The following CROCC variants were observed in gnomAD, a reference collection of about 807,000 sequenced individuals.
CROCC encodes the protein ciliary rootlet coiled-coil, rootletin.
Under a neutral mutation model 245.2 loss-of-function variants are expected in CROCC, and 180 were observed. The ratio of observed to expected loss-of-function variants is 0.73; its 90% confidence interval spans 0.65 to 0.83. The LOEUF is 0.83. Ranked by LOEUF, CROCC falls within the 40% of genes least tolerant of loss-of-function variation. The pLI, the probability that CROCC is intolerant of heterozygous loss-of-function variation, is 0.00. For missense variants in CROCC, 2,688 were observed against 2,779.4 expected (o/e 0.97, Z 0.74); for synonymous variants, 1,205 against 1,241.6 (o/e 0.97, Z 0.62).
intron 27 of CROCC, among the ~76,000 whole-genome samples, chr1:16,962,808 G>A (rs865846245): frequency 1.4e-4 from 21 of 151,186 alleles, no homozygotes; most frequent in African/African-American, 4.1e-4. Flanking sequence ...ACCTCCAGTC[G>A]GGATGATCTG....
rs373899791 is a variant in CROCC at position 16,966,158 on chromosome 1, G to A, written c.4696+39G>A. 9 of 1,580,678 alleles carry A rather than the reference G, an allele frequency of 5.7e-6. No individual in the cohort carries two copies. In the African/African-American group the frequency reaches 1.1e-4, roughly 19 times the overall value. On this transcript the variant is annotated intron_variant, in intron 29 of 36. Transcript: ENST00000375541. This position sits in a 1 kb window ranked among gnomAD's most constrained non-coding sequence, Gnocchi z 4.8. Reference sequence around the variant, plus strand: ...TCGGGGTCCCTGTTCTCTCTCCTGTGTTTTGGGCAGTTGAGGCAGGAGCCG... The same window carrying A: ...TCGGGGTCCCTGTTCTCTCTCCTGTATTTTGGGCAGTTGAGGCAGGAGCCG...
chr1:16,961,650 T>C (rs947018105), intron 27 of CROCC, among the ~76,000 whole-genome samples: 2 of 152,134 alleles, frequency 1.3e-5, no homozygotes, highest in African/African-American at 2.4e-5. Flanking sequence ...GTCACCTCAG[T>C]TGAAGTGCAG....
chr1:16,952,399 C>T (rs1414898549), intron 20 of CROCC, among the ~76,000 whole-genome samples: 2 of 151,852 alleles, frequency 1.3e-5, no homozygotes, highest in African/African-American at 4.8e-5. Flanking sequence ...GCAGAAGAAT[C>T]GCTTCAACCT....
Position 16,940,079 on chromosome 1 carries a change from C to G in CROCC, c.1794C>G (p.Asn598Lys). The G allele has an allele frequency of 6.2e-7, 1 of 1,604,632 alleles. No homozygotes were observed. The highest frequency in any genetic ancestry group is 8.5e-7 in the Non-Finnish European group (1 of 1,177,020). Residue 598 changes from asparagine (N) to lysine (K), a missense_variant, in exon 13 of 37, where the codon AAC (asparagine) becomes AAG (lysine). By Grantham distance (94) the Asn-to-Lys change is moderately conservative (BLOSUM62 0). Coordinates refer to ENST00000375541, the MANE Select transcript of CROCC (RefSeq NM_014675.5). Reference sequence around the variant, plus strand: ...AGGTGCAGCGGCTGCGGAGCGCCAACGAGCTCCTGAGCAGGTGCCGGGGAG... The same window carrying G: ...AGGTGCAGCGGCTGCGGAGCGCCAAGGAGCTCCTGAGCAGGTGCCGGGGAG... The part of the protein sequence containing the change: ...QREVQRLRSA[N>K]ELLSREKSNL...
chr1:16,932,876 C>T (rs1220497221), intron 8 of CROCC, among the ~76,000 whole-genome samples: 3 of 152,294 alleles, frequency 2.0e-5, no homozygotes, highest in Non-Finnish European at 4.4e-5. Context: ...CTTTTCTTTT[C>T]TTTATGGCTC....
rs998460895 is a variant in CROCC at position 16,972,567 on chromosome 1, G to C, written c.*121G>C. 7.7e-6 allele frequency: 5 copies of C among 645,854 alleles called. No individual in the cohort carries two copies. The East Asian group carries it at 1.5e-4, about 20-fold the overall frequency. 40.0% of individuals were successfully genotyped at this position (645,854 alleles called of 1,614,324 possible). A position where few individuals can be genotyped will look rare whatever the true frequency, so the allele number is the denominator to read the frequency against. ...GCCTCAAGCTGGGGTGGGATGAGGA[G>C]GCGCTCTGCTGGCAGTGCTGAGGAC... is the stretch of plus-strand genomic sequence containing the variant. On this transcript the variant is annotated 3_prime_UTR_variant, in exon 37 of 37. Transcript: ENST00000375541.
At chr1:16,933,574 T>C (rs1223384235) in intron 8 of CROCC, among the ~76,000 whole-genome samples, 2 of 152,272 alleles carry the variant, frequency 1.3e-5, no homozygotes, top group Admixed American at 6.5e-5. Flanking sequence ...GTCTTTTTTT[T>C]CTTTTTTTTT....
chr1:16,914,310 C>G (rs975524222), intron 1 of CROCC, among the ~76,000 whole-genome samples: 1 of 152,188 alleles, frequency 6.6e-6, no homozygotes, highest in Non-Finnish European at 1.5e-5. Context: ...CAACAGGCTC[C>G]GCGGATGCCC....
Position 16,961,123 on chromosome 1 carries a change from C to A in CROCC, c.4398C>A (p.Pro1466=). 7.4e-7 allele frequency: 1 copy of A among 1,349,670 alleles called. No homozygotes were observed. Among genetic ancestry groups the A allele is most frequent in the South Asian group, 1.8e-5 (1 of 55,960 alleles). The allele number at this position is 1,349,670 out of a possible 1,614,324, so 83.6% of individuals were successfully genotyped here. Residue 1466 remains proline, a synonymous_variant, in exon 27 of 37, where the codon CCC becomes CCA. Transcript: ENST00000375541. ...PVPGSPARDA[P]AEGSGEGLNS... is the part of the protein sequence containing the mutation. ...CCGGTTCCCCTGCCCGGGACGCACC[C>A]GCAGAAGGTAAGGGCAGTGCCGCGC...
At chr1:16,940,148 T>A in intron 13 of CROCC, 55 bp downstream of exon 13, 9 of 1,538,772 alleles carry the variant, frequency 5.8e-6, no homozygotes, top group Non-Finnish European at 7.9e-6. Flanking sequence ...CGTCTGGGCA[T>A]AACACCAGTC....
intron 1 of CROCC, 86 bp downstream of exon 1, chr1:16,922,164 G>A (rs1270013276): frequency 7.6e-7 from 1 of 1,324,134 alleles, no homozygotes; most frequent in African/African-American, 1.5e-5. Flanking sequence ...GCGTCTTGGG[G>A]ATCAAGGGGT....
intron 8 of CROCC, among the ~76,000 whole-genome samples, chr1:16,935,192 G>A (rs188406862): frequency 3.3e-5 from 5 of 152,342 alleles, no homozygotes; most frequent in East Asian, 1.9e-4. Context: ...GAGCCACCAC[G>A]CCTGGCCTAT....
intron 3 of CROCC, among the ~76,000 whole-genome samples, chr1:16,926,322 G>C (rs570221036): frequency 6.6e-6 from 1 of 152,372 alleles, no homozygotes; most frequent in South Asian, 2.1e-4. Context: ...AAGTAAGTCC[G>C]GGAGAGGGGC....
intron 9 of CROCC, among the ~76,000 whole-genome samples, chr1:16,937,340 G>A (rs370142824): frequency 1.8e-3 from 256 of 144,850 alleles, no homozygotes; most frequent in African/African-American, 6.2e-3. Flanking sequence ...ATGACAGAGC[G>A]AAACTCCGTC....
At chr1:16,938,678 C>G (rs977301963) in intron 11 of CROCC, among the ~76,000 whole-genome samples, 195 bp downstream of exon 11, 1 of 152,302 alleles carries the variant, frequency 6.6e-6, no homozygotes, top group African/African-American at 2.4e-5. Flanking sequence ...GAGGCACGAC[C>G]CTTTGGGAGC....
Position 16,969,826 on chromosome 1 carries a change from G to A in CROCC, c.5343G>A (p.Arg1781=). ...DAARQALSEA[R]KQSSSLGEQV... is the part of the protein sequence containing the mutation. The stretch of plus-strand genomic sequence containing the variant: ...CCCGGCAGGCATTATCTGAGGCACG[G>A]AAGCAGAGCAGCTCCCTGGGCGAGC... The change falls in exon 33 of 37, where the codon CGG becomes CGA. Residue 1781 remains arginine, a synonymous_variant. Coordinates refer to ENST00000375541, the MANE Select transcript of CROCC (RefSeq NM_014675.5). The A allele has an allele frequency of 6.2e-7, 1 of 1,613,458 alleles. No individual in the cohort carries two copies.
intron 27 of CROCC, among the ~76,000 whole-genome samples, chr1:16,962,632 C>T (rs560105876): frequency 2.0e-5 from 3 of 150,488 alleles, no homozygotes; most frequent in African/African-American, 7.3e-5. Flanking sequence ...CCTCAGCCTC[C>T]CAAAGTGCTG....
intron 3 of CROCC, among the ~76,000 whole-genome samples, chr1:16,927,404 G>A (rs570437609): frequency 9.1e-4 from 139 of 152,346 alleles, no homozygotes; most frequent in Admixed American, 3.9e-3. Flanking sequence ...TGCACAAAGT[G>A]TGTATCACAC....
Position 16,965,869 on chromosome 1 carries a change from C to T in CROCC, c.4552C>T (p.Leu1518=). ...RGALREFLQE[L]RSAQRERDEL... is the part of the protein sequence containing the mutation. Reference sequence around the variant, plus strand: ...GGCCCTCCGGGAATTCCTGCAAGAGCTGCGGAGTGCCCAGAGAGAACGGGT... The same window carrying T: ...GGCCCTCCGGGAATTCCTGCAAGAGTTGCGGAGTGCCCAGAGAGAACGGGT... Residue 1518 remains leucine, a synonymous_variant, in exon 28 of 37, where the codon CTG becomes TTG. Transcript: ENST00000375541. 3 of 1,613,536 alleles carry T rather than the reference C, an allele frequency of 1.9e-6. No individual in the cohort carries two copies. Among genetic ancestry groups the T allele is most frequent in the Non-Finnish European group, 2.5e-6 (3 of 1,179,942 alleles).
Sources: gnomAD v4.1 joint callset for allele counts (sites outside exome capture counted in the v4.1 genomes callset) on GRCh38, gnomAD v4.1.1 for gene constraint, Gnocchi (gnomAD v3.1) non-coding constraint, MANE v1.5 for transcripts, NCBI Gene and HGNC (gene_info 2026-07-23, HGNC 2026-07-21) for gene names.